Variants in MGST2 observed in about 807,000 individuals in gnomAD.
The protein encoded by MGST2 is glutathione peroxidase MGST2.
MGST2 carries 9 observed loss-of-function variants against 16.6 expected under a neutral mutation model. The ratio of observed to expected loss-of-function variants is 0.54; its 90% CI spans 0.33 to 0.95. MGST2 has a LOEUF of 0.95. Ranked by LOEUF, MGST2 falls within the 40% of genes least tolerant of loss-of-function variation. MGST2 has a pLI of 0.03. For missense variants in MGST2, 159 were observed against 175.1 expected, an observed-to-expected ratio of 0.91 and a Z score of 0.52; for synonymous variants, 79 against 68.0, an observed-to-expected ratio of 1.16 and a Z score of -0.79.
At chr4:139,666,114 GTGCGTGT>G (rs199731498) in intron 1 of MGST2, 37 bp downstream of exon 1, 4 of 1,350,438 alleles carry the variant, frequency 3.0e-6, no homozygotes, top group Non-Finnish European at 3.9e-6. Flanking sequence ...GTGCGCGTGT[GTGCGTGT>G]GTGTGTGTGT....
intron 5 of MGST2, among the ~76,000 whole-genome samples, chr4:139,728,969 AG>A (rs1289537046): frequency 2.0e-5 from 3 of 152,032 alleles, no homozygotes; most frequent in Non-Finnish European, 4.4e-5. Context: ...GGCTGAGGAG[AG>A]GATTTACAGA....
chr4:139,718,063 G>GA (rs969362903), intron 5 of MGST2: 1 of 152,098 alleles, frequency 6.6e-6, no homozygotes, highest in Non-Finnish European at 1.5e-5. Flanking sequence ...GATGAGTAGG[G>GA]ATGATGGGAA....
At chr4:139,739,812 C>A (rs572960798) in intron 5 of MGST2, among the ~76,000 whole-genome samples, 6 of 149,142 alleles carry the variant, frequency 4.0e-5, no homozygotes, top group African/African-American at 9.8e-5. Flanking sequence ...TATTTTTATA[C>A]TTTTTCAAAT....
rs147978072 is a variant in MGST2, at chr4:139,723,099, T to C, written c.*49-17113T>C. Among the ~76,000 whole-genome samples the C allele has an allele frequency of 1.8e-4, 28 of 152,384 alleles. No homozygotes were observed. The East Asian group carries it at 5.0e-3, about 27-fold the overall frequency. On this transcript the variant is annotated intron_variant, in intron 5 of 5. Transcript: ENST00000616265. ...ATAGTATCTTATTGGTTGAGGATGA[T>C]ATCATATCTATATGAGTGCGAAATA...
the MGST2 span, among the ~76,000 whole-genome samples, chr4:139,746,550 G>T: frequency 3.3e-5 from 5 of 152,116 alleles, no homozygotes; most frequent in Non-Finnish European, 1.5e-5. Flanking sequence ...TCACCTATTT[G>T]TTCTGTCTTC....
exon 6 of MGST2, chr4:139,740,642 G>A (rs1346433028): frequency 6.6e-6 from 1 of 152,108 alleles, no homozygotes; most frequent in African/African-American, 2.4e-5. Context: ...CATAACTGAT[G>A]CATAGGCCTA....
intron 5 of MGST2, among the ~76,000 whole-genome samples, chr4:139,738,020 A>C (rs544403775): frequency 6.6e-5 from 10 of 152,382 alleles, no homozygotes; most frequent in Admixed American, 2.0e-4. Flanking sequence ...TGGGTCCAGC[A>C]AAGCTCTTGG....
chr4:139,745,792 T>C, the MGST2 span, among the ~76,000 whole-genome samples: 1 of 152,244 alleles, frequency 6.6e-6, no homozygotes, highest in Non-Finnish European at 1.5e-5. Context: ...ACATACCACC[T>C]GGTTTTTGAC....
chr4:139,689,770 A>G (rs1402129297), intron 2 of MGST2, among the ~76,000 whole-genome samples: 4 of 152,240 alleles, frequency 2.6e-5, no homozygotes, highest in Admixed American at 1.3e-4. Flanking sequence ...GGTTTTCCTT[A>G]GGAGAATGTT....
chr4:139,752,031 T>A, the MGST2 span, among the ~76,000 whole-genome samples: 1 of 152,206 alleles, frequency 6.6e-6, no homozygotes, highest in Non-Finnish European at 1.5e-5. Context: ...TGCCTAACTC[T>A]GGAATAGCCT....
At chr4:139,724,975 T>C (rs1018671301) in intron 5 of MGST2, among the ~76,000 whole-genome samples, 1 of 152,126 alleles carries the variant, frequency 6.6e-6, no homozygotes, top group African/African-American at 2.4e-5. Flanking sequence ...GCCAGGCTGG[T>C]CTTGAACTCC....
chr4:139,667,655 C>T (rs1033863876), intron 1 of MGST2, among the ~76,000 whole-genome samples: 1 of 152,038 alleles, frequency 6.6e-6, no homozygotes, highest in South Asian at 2.1e-4. Context: ...GTCAAGAGAT[C>T]GAGACCATCC....
chr4:139,704,702 C>A (rs1302331681), downstream of MGST2, among the ~76,000 whole-genome samples: 4 of 152,172 alleles, frequency 2.6e-5, no homozygotes, highest in South Asian at 6.2e-4. Flanking sequence ...GCGGGCAGAT[C>A]ACAAGGTCAG....
intron 2 of MGST2, among the ~76,000 whole-genome samples, chr4:139,694,509 T>C (rs1726805570): frequency 6.6e-6 from 1 of 152,142 alleles, no homozygotes; most frequent in African/African-American, 2.4e-5. Context: ...ATAAGTCATC[T>C]TTTTCCCCTT....
At chr4:139,716,070 G>A (rs568232199) in intron 5 of MGST2, among the ~76,000 whole-genome samples, 1 of 152,260 alleles carries the variant, frequency 6.6e-6, no homozygotes, top group South Asian at 2.1e-4. Flanking sequence ...CGGTCTGGGG[G>A]GCACCTTTAA....
At chr4:139,722,141 A>G (rs1560768397) in intron 5 of MGST2, among the ~76,000 whole-genome samples, 1 of 152,226 alleles carries the variant, frequency 6.6e-6, no homozygotes, top group Non-Finnish European at 1.5e-5. Context: ...TTTGTGAATG[A>G]GAAATAGGTT....
At chr4:139,700,954 T>C (rs887458630) in intron 3 of MGST2, among the ~76,000 whole-genome samples, 2 of 152,248 alleles carry the variant, frequency 1.3e-5, no homozygotes, top group Admixed American at 6.5e-5. Flanking sequence ...TCTCTTTCTT[T>C]TAGTTTTTAC....
At chr4:139,746,272 A>G in the MGST2 span, among the ~76,000 whole-genome samples, 1 of 152,224 alleles carries the variant, frequency 6.6e-6, no homozygotes, top group Middle Eastern at 3.4e-3. Context: ...AGAGATGGTA[A>G]TAAGAATAAT....
At chr4:139,703,878 G>A (rs1284304671) in intron 4 of MGST2, 138 bp from the exon 5 acceptor site, 2 of 1,007,732 alleles carry the variant, frequency 2.0e-6, no homozygotes, top group Non-Finnish European at 3.1e-6. Flanking sequence ...TTTAACTTAT[G>A]TGATGAGCTA....
Sources: allele counts gnomAD v4.1 joint callset (sites outside exome capture counted in the v4.1 genomes callset), GRCh38; gene constraint gnomAD v4.1.1; transcripts MANE v1.5; gene names NCBI Gene and HGNC (gene_info 2026-07-23, HGNC 2026-07-21).